Variants in CYSLTR2 observed in about 807,000 individuals in gnomAD.
CYSLTR2 encodes the protein cysteinyl leukotriene receptor 2.
For synonymous variants in CYSLTR2, 179 were observed against 160.8 expected, an observed-to-expected ratio of 1.11 and a Z score of -0.86; for missense variants, 398 against 411.9, an observed-to-expected ratio of 0.97 and a Z score of 0.29.
chr13:48,700,295 G>GCAGC (rs1485361601), intron 4 of CYSLTR2, among the ~76,000 whole-genome samples: 11 of 152,178 alleles, frequency 7.2e-5, no homozygotes, highest in Non-Finnish European at 1.5e-4. Flanking sequence ...ACCAAATCCA[G>GCAGC]CAGCACATCA....
rs768817639 is a variant in CYSLTR2 at position 48,707,072 on chromosome 13, C to T, written c.255C>T (p.Leu85=). Residue 85 remains leucine (L), a synonymous_variant, in exon 5 of 5, where the codon CTC becomes CTT. Coordinates refer to ENST00000682523, the MANE Select transcript of CYSLTR2 (RefSeq NM_001308476.3). ...VFMLNLAISD[L]LFISTLPFRA... Reference sequence around the variant, plus strand: ...TGCTAAATCTGGCCATTTCAGATCTCCTGTTCATAAGCACGCTTCCCTTCA... The same window carrying T: ...TGCTAAATCTGGCCATTTCAGATCTTCTGTTCATAAGCACGCTTCCCTTCA... 20 of 1,614,046 alleles carry T rather than the reference C, an allele frequency of 1.2e-5. No individual in the cohort carries two copies. In the Middle Eastern group the frequency reaches 4.9e-4, roughly 40 times the overall value.
intron 4 of CYSLTR2, among the ~76,000 whole-genome samples, chr13:48,702,013 A>C (rs1279703935): frequency 1.3e-5 from 2 of 152,078 alleles, no homozygotes; most frequent in African/African-American, 4.8e-5. Context: ...AACCAACCCA[A>C]ATGTCCATCA....
chr13:48,673,010 G>C (rs1233455009), intron 1 of CYSLTR2, among the ~76,000 whole-genome samples: 1 of 152,186 alleles, frequency 6.6e-6, no homozygotes, highest in Non-Finnish European at 1.5e-5. Context: ...TTGCTGAGGA[G>C]TGTTTTACTT....
intron 1 of CYSLTR2, among the ~76,000 whole-genome samples, chr13:48,657,903 C>CAAGT (rs756103865): frequency 7.9e-5 from 12 of 151,920 alleles, no homozygotes; most frequent in Non-Finnish European, 1.2e-4. Flanking sequence ...GTGTAGTGGT[C>CAAGT]AAGTCAAGGC....
intron 1 of CYSLTR2, among the ~76,000 whole-genome samples, chr13:48,658,609 A>G (rs528522213): frequency 1.3e-5 from 2 of 152,338 alleles, no homozygotes; most frequent in South Asian, 2.1e-4. Flanking sequence ...AAGGGTCTGC[A>G]AACAGCCAAG....
chr13:48,685,931 A>G (rs57357849), intron 1 of CYSLTR2, among the ~76,000 whole-genome samples: 4,433 of 152,222 alleles, frequency 0.029, 211 homozygotes, highest in African/African-American at 0.1. Context: ...GACCTCATAG[A>G]AACTTCAAAA....
intron 4 of CYSLTR2, among the ~76,000 whole-genome samples, chr13:48,699,096 A>T (rs950495007): frequency 6.6e-6 from 1 of 152,234 alleles, no homozygotes; most frequent in Non-Finnish European, 1.5e-5. Context: ...CCCCACTGTC[A>T]ACATTAGACA....
chr13:48,695,221 T>C (rs1300367349), intron 3 of CYSLTR2, among the ~76,000 whole-genome samples: 1 of 151,754 alleles, frequency 6.6e-6, no homozygotes, highest in East Asian at 1.9e-4. Flanking sequence ...ACTACAGGCA[T>C]GCGCCACCAC....
At chr13:48,688,322 T>C (rs1375979049) in intron 1 of CYSLTR2, among the ~76,000 whole-genome samples, 1 of 152,196 alleles carries the variant, frequency 6.6e-6, no homozygotes, top group African/African-American at 2.4e-5. Context: ...GTTTGTTACA[T>C]AGGTATGCAA....
chr13:48,693,905 T>C (rs543903939), intron 3 of CYSLTR2, among the ~76,000 whole-genome samples: 1 of 152,320 alleles, frequency 6.6e-6, no homozygotes, highest in South Asian at 2.1e-4. Flanking sequence ...ATCGTGTTTA[T>C]ATTAAAAGTT....
intron 3 of CYSLTR2, among the ~76,000 whole-genome samples, chr13:48,695,833 G>C (rs1185034807): frequency 6.6e-6 from 1 of 152,210 alleles, no homozygotes; most frequent in East Asian, 1.9e-4. Flanking sequence ...GTTATTTCCA[G>C]TTTGGGGCTA....
intron 1 of CYSLTR2, among the ~76,000 whole-genome samples, chr13:48,668,575 G>GC (rs1566084097): frequency 6.6e-6 from 1 of 151,864 alleles, no homozygotes; most frequent in Non-Finnish European, 1.5e-5. Context: ...GGGTTGGGGG[G>GC]CATCATTATC....
chr13:48,687,401 G>T (rs1001554608), intron 1 of CYSLTR2, among the ~76,000 whole-genome samples: 1 of 150,062 alleles, frequency 6.7e-6, no homozygotes, highest in African/African-American at 2.5e-5. Context: ...ATGATAATTG[G>T]TAGATTATCA....
intron 1 of CYSLTR2, among the ~76,000 whole-genome samples, chr13:48,674,316 T>A (rs1020595414): frequency 1.3e-5 from 2 of 152,178 alleles, no homozygotes; most frequent in Non-Finnish European, 2.9e-5. Flanking sequence ...CTTTGTTTGT[T>A]CCTTTTCATT....
intron 1 of CYSLTR2, among the ~76,000 whole-genome samples, chr13:48,671,067 TG>T (rs1953415256): frequency 6.6e-6 from 1 of 152,240 alleles, no homozygotes. Flanking sequence ...ACTCATGATT[TG>T]GCTCTCTGTT....
At chr13:48,693,296 T>A (rs887939646) in intron 2 of CYSLTR2, 142 bp from the exon 3 acceptor site, 9 of 152,042 alleles carry the variant, frequency 5.9e-5, no homozygotes, top group Non-Finnish European at 1.2e-4. Flanking sequence ...AGACTCTGAA[T>A]CATGCCAAAC....
At chr13:48,676,940 G>A (rs1953613075) in intron 1 of CYSLTR2, among the ~76,000 whole-genome samples, 1 of 152,204 alleles carries the variant, frequency 6.6e-6, no homozygotes. Context: ...TATCTGGGAG[G>A]CAGAGGCAAA....
At chr13:48,666,947 G>T (rs1278707303) in intron 1 of CYSLTR2, among the ~76,000 whole-genome samples, 1 of 152,042 alleles carries the variant, frequency 6.6e-6, no homozygotes, top group African/African-American at 2.4e-5. Context: ...TTTTCCTTAT[G>T]GGGTGTCATG....
At chr13:48,666,028 G>A (rs765844239) in intron 1 of CYSLTR2, among the ~76,000 whole-genome samples, 1 of 152,112 alleles carries the variant, frequency 6.6e-6, no homozygotes, top group South Asian at 2.1e-4. Context: ...TCATGAAAAT[G>A]GTTATCATCT....
Sources: gnomAD v4.1 joint callset for allele counts (sites outside exome capture counted in the v4.1 genomes callset) on GRCh38, gnomAD v4.1.1 for gene constraint, MANE v1.5 for transcripts, NCBI Gene and HGNC (gene_info 2026-07-23, HGNC 2026-07-21) for gene names.